The following LRP1B variants were observed in gnomAD, a reference collection of about 807,000 sequenced individuals.
LRP1B encodes the protein low-density lipoprotein receptor-related protein 1B.
In LRP1B, 217 loss-of-function variants were observed where a neutral mutation model predicts 556.6. The ratio of observed to expected loss-of-function variants is 0.39; its 90% CI spans 0.35 to 0.44. The LOEUF is 0.44. Among genes scored for constraint, LRP1B ranks in the 20% least tolerant of loss-of-function variants. The probability of loss-of-function intolerance (pLI) is 1.00; values close to 1 mark genes in which losing one functional copy is unlikely to be tolerated. For synonymous variants in LRP1B, 2,047 were observed against 1,865.8 expected, an observed-to-expected ratio of 1.10 and a Z score of -2.50; for missense variants, 5,053 against 5,620.8, an observed-to-expected ratio of 0.90 and a Z score of 3.23.
chr2:140,659,098 GTTTTTTTTTTTTTT>G (rs59651364), intron 41 of LRP1B, among the ~76,000 whole-genome samples: 1,267 of 61,224 alleles, frequency 0.021, 43 homozygotes, highest in African/African-American at 0.075. Context: ...CTGTAAATCT[GTTTTTTTTTTTTTT>G]TTTTTTTTTT....
intron 1 of LRP1B, among the ~76,000 whole-genome samples, chr2:141,836,820 T>G (rs1021077087): frequency 1.2e-4 from 19 of 152,098 alleles, no homozygotes; most frequent in Admixed American, 1.2e-3. Flanking sequence ...AGTAGGTAAT[T>G]TTTGGTCTTA....
Position 140,867,738 on chromosome 2 carries a change from T to G in LRP1B, c.4431A>C (p.Leu1477=), listed in dbSNP as rs533217904. The G allele has an allele frequency of 2.5e-6, 4 of 1,612,574 alleles. No homozygotes were observed. In the East Asian group the frequency reaches 8.9e-5, roughly 36 times the overall value. The stretch of plus-strand genomic sequence containing the variant: ...CTGTCCAGTAGACTTCACTCCCATA[T>G]AGAGACACAGCAAAGGGATGGGAAA... ...EYLSHPFAVS[L]YGSEVYWTDW... is the part of the protein sequence containing the mutation. The change falls in exon 27 of 91, where the codon CTA becomes CTC. Residue 1477 remains leucine (L), a synonymous_variant. Transcript: ENST00000389484.
intron 41 of LRP1B, among the ~76,000 whole-genome samples, chr2:140,696,977 T>C (rs1686451680): frequency 6.6e-6 from 1 of 152,164 alleles, no homozygotes; most frequent in South Asian, 2.1e-4. Context: ...CTCATAAAAT[T>C]TTCATAGAAA....
At chr2:141,821,040 A>G (rs1312662199) in intron 1 of LRP1B, among the ~76,000 whole-genome samples, 1 of 152,184 alleles carries the variant, frequency 6.6e-6, no homozygotes, top group Non-Finnish European at 1.5e-5. Context: ...GAAGTAGATG[A>G]GCCAGGAAAG....
chr2:141,155,157 T>A (rs951980554), intron 7 of LRP1B, among the ~76,000 whole-genome samples: 1 of 151,896 alleles, frequency 6.6e-6, no homozygotes, highest in Admixed American at 6.6e-5. Flanking sequence ...ATTTTTGGCC[T>A]CTAATTAAAG....
chr2:141,463,989 C>T (rs997208644), intron 3 of LRP1B, among the ~76,000 whole-genome samples: 15 of 151,728 alleles, frequency 9.9e-5, no homozygotes, highest in African/African-American at 3.1e-4. Flanking sequence ...ATATTGCTAA[C>T]GGCAGTTCAG....
intron 41 of LRP1B, among the ~76,000 whole-genome samples, chr2:140,629,666 T>C (rs1256086571): frequency 3.3e-5 from 5 of 152,122 alleles, no homozygotes; most frequent in African/African-American, 1.2e-4. Context: ...TATGACATTG[T>C]AAGTTTACAA....
rs10172648 is a variant in LRP1B, at chr2:141,194,329, C to G, written c.851-5746G>C. Among the ~76,000 whole-genome samples the G allele has an allele frequency of 4.0e-5, 6 of 151,686 alleles. No individual in the cohort carries two copies. The East Asian group carries it at 1.2e-3, about 30-fold the overall frequency. ...TTTTCTATATTGATTTTCTACCAACCAGAAATGGCAAATTTAAATGTCTAC... is the reference window on the plus strand; with the variant it reads ...TTTTCTATATTGATTTTCTACCAACGAGAAATGGCAAATTTAAATGTCTAC... On this transcript the variant is annotated intron_variant, in intron 6 of 90. Coordinates refer to ENST00000389484, the MANE Select transcript of LRP1B (RefSeq NM_018557.3).
At chr2:141,220,332 T>C (rs754422873) in intron 6 of LRP1B, among the ~76,000 whole-genome samples, 1 of 151,980 alleles carries the variant, frequency 6.6e-6, no homozygotes, top group African/African-American at 2.4e-5. Context: ...TATCAGAGCA[T>C]GAAGACTATA....
chr2:141,804,509 CA>C (rs1696108589), intron 2 of LRP1B, among the ~76,000 whole-genome samples: 1 of 151,970 alleles, frequency 6.6e-6, no homozygotes. Context: ...TATATCTGAT[CA>C]TTAAAAATTA....
chr2:141,492,029 C>G (rs1574009016), intron 2 of LRP1B, among the ~76,000 whole-genome samples: 1 of 114,180 alleles, frequency 8.8e-6, no homozygotes, highest in South Asian at 3.0e-4. Flanking sequence ...AAGGAATTAT[C>G]AATATATAAA....
intron 1 of LRP1B, among the ~76,000 whole-genome samples, chr2:141,950,498 A>G (rs1465893882): frequency 6.6e-6 from 1 of 152,150 alleles, no homozygotes; most frequent in Non-Finnish European, 1.5e-5. Context: ...CATTTTAAAT[A>G]CATCTTCAAT....
chr2:140,319,162 A>C (rs374190926), intron 82 of LRP1B, among the ~76,000 whole-genome samples: 4 of 151,830 alleles, frequency 2.6e-5, no homozygotes, highest in African/African-American at 9.7e-5. Context: ...GGAAAGGAGG[A>C]GGATTATGTA....
At chr2:140,460,946 T>C (rs1317101562) in intron 60 of LRP1B, among the ~76,000 whole-genome samples, 2 of 151,782 alleles carry the variant, frequency 1.3e-5, no homozygotes, top group African/African-American at 2.4e-5. Flanking sequence ...TAAAGCTCAA[T>C]GTAATTATGA....
chr2:141,087,767 A>G (rs1309881081), intron 7 of LRP1B, among the ~76,000 whole-genome samples: 2 of 152,238 alleles, frequency 1.3e-5, no homozygotes, highest in African/African-American at 2.4e-5. Context: ...GGATCAATTT[A>G]GAATGAGCTA....
chr2:140,559,142 T>G (rs1285801099), intron 43 of LRP1B, among the ~76,000 whole-genome samples: 2 of 152,100 alleles, frequency 1.3e-5, no homozygotes, highest in African/African-American at 4.8e-5. Flanking sequence ...TTGAACATGT[T>G]AAACAATGTC....
chr2:141,300,002 C>T (rs1686326301), intron 3 of LRP1B, among the ~76,000 whole-genome samples: 1 of 152,160 alleles, frequency 6.6e-6, no homozygotes, highest in Non-Finnish European at 1.5e-5. Context: ...GAGGGTGAAG[C>T]TCCCATAAAT....
At chr2:142,077,695 A>T (rs1705557425) in intron 1 of LRP1B, among the ~76,000 whole-genome samples, 2 of 151,976 alleles carry the variant, frequency 1.3e-5, no homozygotes, top group Non-Finnish European at 2.9e-5. Context: ...CAGGGGAGAG[A>T]GTTTGGGAGT....
At position 141,572,453 on chromosome 2, in the gene LRP1B, C is replaced by T. The variant is rs555017004; in HGVS notation, c.206-91920G>A. 1.7e-4 allele frequency among the ~76,000 whole-genome samples: 26 copies of T among 152,248 alleles called. No homozygotes were observed. In the South Asian group the frequency reaches 5.2e-3, roughly 30 times the overall value. ...AAGCACTAAATATGGAAAGGAAAAT[C>T]TACTACCAGCCACCGCAAAAACACA... On this transcript the variant is annotated intron_variant, in intron 2 of 90. Transcript: ENST00000389484.
Sources: allele counts gnomAD v4.1 joint callset (sites outside exome capture counted in the v4.1 genomes callset), GRCh38; gene constraint gnomAD v4.1.1; transcripts MANE v1.5; gene names NCBI Gene and HGNC (gene_info 2026-07-23, HGNC 2026-07-21).